RETSAT: variants seen among roughly 807,000 people sequenced by gnomAD.
RETSAT encodes the protein all-trans-retinol 13,14-reductase.
Under a neutral mutation model 61.6 loss-of-function variants are expected in RETSAT, and 35 were observed. That is an observed-to-expected ratio of 0.57 (90% CI 0.43 to 0.75). RETSAT has a LOEUF of 0.75. Ranked by LOEUF, RETSAT falls within the 30% of genes least tolerant of loss-of-function variation. The pLI, the probability that RETSAT is intolerant of heterozygous loss-of-function variation, is 0.00. For synonymous variants in RETSAT, 277 were observed against 310.4 expected, an observed-to-expected ratio of 0.89 and a Z score of 1.13; for missense variants, 670 against 759.5, an observed-to-expected ratio of 0.88 and a Z score of 1.38.
At position 85,351,814 on chromosome 2, in the gene RETSAT, C is replaced by T; in HGVS notation, c.221G>A (p.Gly74Asp). ...VPEKLDVVVI[G>D]SGFGGLAAAA... The stretch of plus-strand genomic sequence containing the variant: ...TGCAGCCAGGCCCCCAAAGCCACTG[C>T]CAATTACCACCACATCCAGCTTCTC... Residue 74 changes from glycine to aspartate, a missense_variant, in exon 2 of 11, where the codon GGC becomes GAC. Gly to Asp is a moderately conservative substitution (Grantham distance 94). Transcript: ENST00000295802. The T allele has an allele frequency of 6.2e-7, 1 of 1,614,098 alleles. No homozygotes were observed. The highest frequency in any genetic ancestry group is 8.5e-7 in the Non-Finnish European group (1 of 1,180,016).
chr2:85,344,300 G>A lies in RETSAT; in HGVS notation c.1305C>T (p.Ile435=), dbSNP rs147834687. Reference sequence around the variant, plus strand: ...ATGGGAAAGCGAAGAAGAGAAGAGGGATGTGTTCCGCAGCCTCTTCCCTGG... The same window carrying A: ...ATGGGAAAGCGAAGAAGAGAAGAGGAATGTGTTCCGCAGCCTCTTCCCTGG... ...SMPREEAAEH[I]PLLFFAFPSA... Residue 435 remains isoleucine, a synonymous_variant, in exon 8 of 11, where the codon ATC becomes ATT. Transcript: ENST00000295802. 6.8e-6 allele frequency: 11 copies of A among 1,614,138 alleles called. No homozygotes were observed. Among genetic ancestry groups the A allele is most frequent in the Non-Finnish European group, 9.3e-6 (11 of 1,180,018 alleles).
chr2:85,350,277 T>C, intron 3 of RETSAT, 36 bp from the exon 4 acceptor site: 2 of 1,522,858 alleles, frequency 1.3e-6, no homozygotes, highest in Non-Finnish European at 1.8e-6. Context: ...GCCTCACCTC[T>C]AGAACCGCTT....
intron 9 of RETSAT, 23 bp from the exon 10 acceptor site, chr2:85,343,821 A>G (rs1034403772): frequency 3.1e-6 from 5 of 1,611,570 alleles, no homozygotes; most frequent in African/African-American, 2.7e-5. Context: ...AGGGTGGGGC[A>G]GGCATGTGAG....
intron 5 of RETSAT, among the ~76,000 whole-genome samples, chr2:85,346,881 C>T (rs997458463): frequency 1.3e-5 from 2 of 152,152 alleles, no homozygotes; most frequent in Non-Finnish European, 2.9e-5. Context: ...TCTGTGTGTC[C>T]AGCTCCATCC....
At position 85,346,647 on chromosome 2, in the gene RETSAT, T is replaced by C. The variant is rs562239732; in HGVS notation, c.998-553A>G. Among the ~76,000 whole-genome samples the C allele has an allele frequency of 2.0e-5, 3 of 152,096 alleles. No individual in the cohort carries two copies. In the South Asian group the frequency reaches 6.2e-4, roughly 32 times the overall value. On this transcript the variant is annotated intron_variant, in intron 5 of 10. Coordinates refer to ENST00000295802, the MANE Select transcript of RETSAT (RefSeq NM_017750.4). Reference sequence around the variant, plus strand: ...ATGGAGTTGTGCACACCTGTAGTCCTATCTCCTCAGCCAGAGGAATGGGTT... The same window carrying C: ...ATGGAGTTGTGCACACCTGTAGTCCCATCTCCTCAGCCAGAGGAATGGGTT...
chr2:85,352,854 G>A (rs1428692207), intron 1 of RETSAT, among the ~76,000 whole-genome samples: 1 of 152,178 alleles, frequency 6.6e-6, no homozygotes, highest in Non-Finnish European at 1.5e-5. Context: ...AGGTCTGGGG[G>A]CAGTGCTGAG....
chr2:85,349,478 G>T lies in RETSAT; in HGVS notation c.903C>A (p.Phe301Leu), dbSNP rs747573438. 6.2e-7 allele frequency: 1 copy of T among 1,614,094 alleles called. No individual in the cohort carries two copies. Among genetic ancestry groups the T allele is most frequent in the Non-Finnish European group, 8.5e-7 (1 of 1,180,036 alleles). The change falls in exon 5 of 11, where the codon TTC becomes TTA. Residue 301 changes from phenylalanine to leucine, a missense_variant. Transcript: ENST00000295802. ...CCCGCTGAATCACAGGGATGGTGTG[G>T]AAGGCAATTTCACTGGAACCCCCTC... The part of the protein sequence containing the change: ...YPRGGSSEIA[F>L]HTIPVIQRAG...
At chr2:85,349,783 C>A (rs1177168949) in intron 4 of RETSAT, 4 of 631,028 alleles carry the variant, frequency 6.3e-6, no homozygotes, top group South Asian at 5.9e-5. Flanking sequence ...GAATACCCCC[C>A]CTGCAAACTG....
rs150706527 is a variant in RETSAT at position 85,343,317 on chromosome 2, G to A, written c.1758C>T (p.Ala586=). Residue 586 remains alanine, a synonymous_variant, in exon 11 of 11, where the codon GCC becomes GCT. Transcript: ENST00000295802. The part of the protein sequence containing the change: ...ALQGALLCSS[A]ILKRNLYSDL... ...CTGAGTACAAGTTCCGCTTCAGGAT[G>A]GCGCTGCTGCACAGCAGGGCACCTT... 4.8e-4 allele frequency: 779 copies of A among 1,614,016 alleles called. No homozygotes were observed. The African/African-American group carries it at 9.8e-3, about 20-fold the overall frequency.
Position 85,343,329 on chromosome 2 carries a change from C to T in RETSAT, c.1746G>A (p.Leu582=). ...TCCGCTTCAGGATGGCGCTGCTGCACAGCAGGGCACCTTGCAGGGCCCCGA... is the reference window on the plus strand; with the variant it reads ...TCCGCTTCAGGATGGCGCTGCTGCATAGCAGGGCACCTTGCAGGGCCCCGA... The part of the protein sequence containing the change: ...GLVGALQGAL[L]CSSAILKRNL... The change falls in exon 11 of 11, where the codon CTG becomes CTA. Residue 582 remains leucine, a synonymous_variant. Transcript: ENST00000295802. 5 of 1,614,276 alleles carry T rather than the reference C, an allele frequency of 3.1e-6. No individual in the cohort carries two copies. The highest frequency in any genetic ancestry group is 1.7e-5 in the Admixed American group (1 of 60,038).
chr2:85,346,044 C>T lies in RETSAT; in HGVS notation c.1048G>A (p.Val350Met), dbSNP rs200448267. ...HELVNIYCPI[V>M]VSNAGLFNTY... The stretch of plus-strand genomic sequence containing the variant: ...TTGAACAGTCCTGCGTTGGAGACCA[C>T]GATGGGGCAATAGATGTTCACCAGC... The change falls in exon 6 of 11, where the codon GTG becomes ATG. Residue 350 changes from valine (V) to methionine (M), a missense_variant. Transcript: ENST00000295802. 66 of 1,614,154 alleles carry T rather than the reference C, an allele frequency of 4.1e-5. No individual in the cohort carries two copies. The highest frequency in any genetic ancestry group is 3.5e-4 in the African/African-American group (26 of 75,038).
chr2:85,349,023 A>G (rs994252944), intron 5 of RETSAT, among the ~76,000 whole-genome samples: 1 of 150,516 alleles, frequency 6.6e-6, no homozygotes, highest in African/African-American at 2.5e-5. Flanking sequence ...TGCTGGGATT[A>G]CAGACGTGAG....
rs1342276586 is a variant in RETSAT at position 85,344,281 on chromosome 2, A to G, written c.1324T>C (p.Phe442Leu). The G allele has an allele frequency of 1.2e-6, 2 of 1,613,962 alleles. No individual in the cohort carries two copies. The highest frequency in any genetic ancestry group is 2.7e-5 in the African/African-American group (2 of 74,890). Residue 442 changes from phenylalanine (F) to leucine (L), a missense_variant, in exon 8 of 11, where the codon TTC (phenylalanine) becomes CTC (leucine). Physicochemically the swap from Phe to Leu is conservative, Grantham distance 22. Transcript: ENST00000295802. Reference protein sequence around the residue: ...AEHIPLLFFAFPSAKDPTWED... With the variant: ...AEHIPLLFFALPSAKDPTWED... ...CAGGTCGGATCTTTGGCTGATGGGAAAGCGAAGAAGAGAAGAGGGATGTGT... is the reference window on the plus strand; with the variant it reads ...CAGGTCGGATCTTTGGCTGATGGGAGAGCGAAGAAGAGAAGAGGGATGTGT...
chr2:85,346,738 A>G (rs1272302176), intron 5 of RETSAT, among the ~76,000 whole-genome samples: 2 of 152,198 alleles, frequency 1.3e-5, no homozygotes, highest in Non-Finnish European at 2.9e-5. Flanking sequence ...TGGGCAAAAG[A>G]GTGAGACCGT....
In RETSAT at chr2:85,350,033, T is replaced by A; in HGVS notation, c.799+7A>T. Reference sequence around the variant, plus strand: ...GAAGCTGCCCAGAGCCCAGGCCCAGTACCCACCGTAAGTGGGGAAGATGTA... The same window carrying A: ...GAAGCTGCCCAGAGCCCAGGCCCAGAACCCACCGTAAGTGGGGAAGATGTA... On this transcript the variant is annotated splice_region_variant and intron_variant, in intron 4 of 10. Coordinates refer to ENST00000295802, the MANE Select transcript of RETSAT (RefSeq NM_017750.4). 1.2e-6 allele frequency: 2 copies of A among 1,612,758 alleles called. No homozygotes were observed. The highest frequency in any genetic ancestry group is 1.7e-5 in the Admixed American group (1 of 60,008).
chr2:85,348,781 C>T (rs982044349), intron 5 of RETSAT, among the ~76,000 whole-genome samples: 3 of 150,608 alleles, frequency 2.0e-5, no homozygotes, highest in Non-Finnish European at 3.0e-5. Context: ...GATGGCGTCT[C>T]GCTCTGTCGC....
rs749371023 is a variant in RETSAT at position 85,350,172 on chromosome 2, C to A, written c.667G>T (p.Asp223Tyr). The part of the protein sequence containing the change: ...FLPLPVVQLL[D>Y]RCGLLTRFSP... ...AAACGAGTCAGCAGCCCACACCTGT[C>A]GAGGAGCTGAACCACGGGCAATGGG... is the stretch of plus-strand genomic sequence containing the variant. The change falls in exon 4 of 11, where the codon GAC becomes TAC. Residue 223 changes from aspartate (D) to tyrosine (Y), a missense_variant. Coordinates refer to ENST00000295802, the MANE Select transcript of RETSAT (RefSeq NM_017750.4). The A allele has an allele frequency of 6.2e-7, 1 of 1,613,934 alleles. No individual in the cohort carries two copies. The highest frequency in any genetic ancestry group is 2.2e-5 in the East Asian group (1 of 44,872).
intron 5 of RETSAT, among the ~76,000 whole-genome samples, chr2:85,348,724 C>G (rs1339215728): frequency 6.6e-6 from 1 of 151,058 alleles, no homozygotes; most frequent in Non-Finnish European, 1.5e-5. Context: ...TCTTTGGGGA[C>G]CATGCAATCC....
Position 85,344,313 on chromosome 2 carries a change from G to A in RETSAT, c.1292C>T (p.Ala431Val). 1 of 1,614,070 alleles carries A rather than the reference G, an allele frequency of 6.2e-7. No individual in the cohort carries two copies. Among genetic ancestry groups the A allele is most frequent in the East Asian group, 2.2e-5 (1 of 44,852 alleles). ...ERYVSMPREE[A>V]AEHIPLLFFA... ...GAAGAGAAGAGGGATGTGTTCCGCA[G>A]CCTCTTCCCTGGGCATGGAGACGTA... Residue 431 changes from alanine to valine, a missense_variant, in exon 8 of 11, where the codon GCT becomes GTT. Transcript: ENST00000295802.
Sources: allele counts gnomAD v4.1 joint callset (sites outside exome capture counted in the v4.1 genomes callset), GRCh38; gene constraint gnomAD v4.1.1; transcripts MANE v1.5; gene names NCBI Gene and HGNC (gene_info 2026-07-23, HGNC 2026-07-21).